Variants in GNB1 observed in about 807,000 individuals in gnomAD.
GNB1 encodes the protein guanine nucleotide-binding protein G(I)/G(S)/G(T) subunit beta-1.
A neutral mutation model predicts 42.9 loss-of-function variants in GNB1; 2 were observed. The observed-to-expected ratio is 0.05, with a 90% CI of 0.02 to 0.15. The LOEUF is 0.15. Among genes scored for constraint, GNB1 ranks in the 10% least tolerant of loss-of-function variants. GNB1 has a pLI of 1.00. For synonymous variants in GNB1, 183 were observed against 174.7 expected (o/e 1.05, Z -0.38); for missense variants, 193 against 462.2 (o/e 0.42, Z 5.34).
intron 5 of GNB1, among the ~76,000 whole-genome samples, chr1:1,812,432 T>A (rs201776013): frequency 7.4e-6 from 1 of 134,826 alleles, no homozygotes; most frequent in Non-Finnish European, 1.6e-5. Context: ...ACACACACCC[T>A]CCCCCCAAAA....
intron 1 of GNB1, among the ~76,000 whole-genome samples, chr1:1,888,516 T>C (rs1195877946): frequency 1.3e-5 from 2 of 152,194 alleles, no homozygotes; most frequent in African/African-American, 2.4e-5. Context: ...TTGCAGTTCA[T>C]TTCTGCGCAG....
At chr1:1,855,311 G>A (rs867126642) in intron 1 of GNB1, among the ~76,000 whole-genome samples, 36 of 129,378 alleles carry the variant, frequency 2.8e-4, no homozygotes, top group Middle Eastern at 9.9e-3. Flanking sequence ...GACACAGCAA[G>A]ACACTGTGTC....
Position 1,883,967 on chromosome 1 carries a change from C to CTT in GNB1, c.-96+6851_-96+6852dup, listed in dbSNP as rs1186881007. 3.3e-3 allele frequency among the ~76,000 whole-genome samples: 443 copies of CTT among 136,290 alleles called. 5 individuals carry two copies. The highest frequency in any genetic ancestry group is 0.011 in the African/African-American group (401 of 37,014). The allele number at this position is 136,290 out of a possible 152,430, so 89.4% of individuals were successfully genotyped here. A position where few individuals can be genotyped will look rare whatever the true frequency, so the allele number is the denominator to read the frequency against. ...CTCATCTAATTATAAAGTGTCCGGA[C>CTT]TTTTTTTTTTTTTTTTTGACCGAGT... On this transcript the variant is annotated intron_variant, in intron 1 of 11. Coordinates refer to ENST00000378609, the MANE Select transcript of GNB1 (RefSeq NM_002074.5).
chr1:1,867,160 G>A (rs965810973), intron 1 of GNB1, among the ~76,000 whole-genome samples: 1 of 151,872 alleles, frequency 6.6e-6, no homozygotes, highest in East Asian at 1.9e-4. Context: ...CCAGCTACTC[G>A]GGAGGCTGAG....
At chr1:1,792,166 T>C (rs963270984) in intron 8 of GNB1, among the ~76,000 whole-genome samples, 92 of 152,256 alleles carry the variant, frequency 6.0e-4, no homozygotes, top group African/African-American at 2.0e-3. Context: ...AATTCTAGCA[T>C]TTAAGTGGGC....
intron 2 of GNB1, among the ~76,000 whole-genome samples, chr1:1,837,845 G>GCCA (rs1647173533): frequency 6.6e-6 from 1 of 151,942 alleles, no homozygotes; most frequent in Non-Finnish European, 1.5e-5. Flanking sequence ...TTACAGGTGA[G>GCCA]CCACCTTGCC....
intron 1 of GNB1, among the ~76,000 whole-genome samples, chr1:1,883,172 T>TGA (rs996846147): frequency 6.7e-6 from 1 of 148,990 alleles, no homozygotes; most frequent in Non-Finnish European, 1.5e-5. Context: ...CTTGTGAGAC[T>TGA]GAGAGAAGAA....
intron 1 of GNB1, among the ~76,000 whole-genome samples, chr1:1,865,524 C>T (rs1419763661): frequency 1.3e-5 from 2 of 152,012 alleles, no homozygotes; most frequent in Middle Eastern, 3.4e-3. Context: ...AAGCAGAGGT[C>T]GCAGTGAGCC....
intron 1 of GNB1, among the ~76,000 whole-genome samples, chr1:1,889,603 A>T (rs1177619762): frequency 3.3e-5 from 5 of 151,266 alleles, no homozygotes; most frequent in Non-Finnish European, 7.4e-5. Context: ...CTTGAGCCCC[A>T]GAGTTCGAGA....
intron 1 of GNB1, among the ~76,000 whole-genome samples, chr1:1,842,205 C>T (rs1176144155): frequency 3.9e-5 from 6 of 152,128 alleles, no homozygotes; most frequent in African/African-American, 7.2e-5. Flanking sequence ...CCAAGGCGGG[C>T]AGATCACAAG....
At chr1:1,870,108 GC>G (rs1649167917) in intron 1 of GNB1, among the ~76,000 whole-genome samples, 1 of 152,038 alleles carries the variant, frequency 6.6e-6, no homozygotes, top group African/African-American at 2.4e-5. Context: ...TGATCTGCCC[GC>G]CATGGCCTCC....
intron 3 of GNB1, among the ~76,000 whole-genome samples, chr1:1,819,522 CT>C (rs1052775089): frequency 3.4e-4 from 50 of 145,152 alleles, no homozygotes; most frequent in Non-Finnish European, 3.1e-4. Flanking sequence ...CGCCTGGCCT[CT>C]TTTTTTTTTT....
chr1:1,795,104 AC>A (rs1473125396), intron 7 of GNB1, among the ~76,000 whole-genome samples: 2 of 152,218 alleles, frequency 1.3e-5, no homozygotes, highest in African/African-American at 4.8e-5. Flanking sequence ...TGGAGGCCAC[AC>A]CACAGGGACA....
chr1:1,841,513 C>T (rs1001329404), intron 1 of GNB1, among the ~76,000 whole-genome samples: 4 of 152,160 alleles, frequency 2.6e-5, no homozygotes, highest in East Asian at 1.9e-4. Context: ...CTTCTGTAAT[C>T]GCTCCCTCAA....
chr1:1,847,771 C>A (rs895148658), intron 1 of GNB1, among the ~76,000 whole-genome samples: 2 of 151,298 alleles, frequency 1.3e-5, no homozygotes, highest in African/African-American at 4.9e-5. Context: ...AAAGACTGTG[C>A]ATATGCTTTT....
chr1:1,834,062 G>A (rs1647112864), intron 2 of GNB1, among the ~76,000 whole-genome samples: 1 of 152,104 alleles, frequency 6.6e-6, no homozygotes, highest in Non-Finnish European at 1.5e-5. Flanking sequence ...AAACAATGGA[G>A]GGAGGATTTC....
At chr1:1,806,973 CAAGA>C (rs200339069) in intron 5 of GNB1, among the ~76,000 whole-genome samples, 27 of 150,812 alleles carry the variant, frequency 1.8e-4, no homozygotes, top group South Asian at 6.3e-4. Flanking sequence ...GACTCTGTTT[CAAGA>C]AAGAAAGAAA....
At chr1:1,873,404 G>A (rs1483772063) in intron 1 of GNB1, among the ~76,000 whole-genome samples, 3 of 152,332 alleles carry the variant, frequency 2.0e-5, no homozygotes, top group South Asian at 2.1e-4. Context: ...ATGTGGGTGA[G>A]GGCAATGGGA....
chr1:1,810,298 C>G (rs1646757630), intron 5 of GNB1, among the ~76,000 whole-genome samples: 1 of 151,746 alleles, frequency 6.6e-6, no homozygotes, highest in African/African-American at 2.4e-5. Flanking sequence ...ATCTCCTGAC[C>G]TCGTGATCCG....
Sources: allele counts gnomAD v4.1 joint callset (sites outside exome capture counted in the v4.1 genomes callset), GRCh38; gene constraint gnomAD v4.1.1; transcripts MANE v1.5; gene names NCBI Gene and HGNC (gene_info 2026-07-23, HGNC 2026-07-21).